ANK3: variants seen among roughly 807,000 people sequenced by gnomAD.
The protein encoded by ANK3 is ankyrin 3.
In ANK3, 57 loss-of-function variants were observed where a neutral mutation model predicts 370.9. The observed-to-expected ratio is 0.15, with a 90% confidence interval of 0.12 to 0.19. The LOEUF is 0.19. Ranked by LOEUF, ANK3 falls within the 10% of genes least tolerant of loss-of-function variation. The pLI is 1.00. For missense variants in ANK3, 4,439 were observed against 5,302.1 expected (o/e 0.84, Z 5.06); for synonymous variants, 1,929 against 1,946.3 (o/e 0.99, Z 0.23).
chr10:60,585,928 G>A, intron 2 of ANK3, among the ~76,000 whole-genome samples: 1 of 152,086 alleles, frequency 6.6e-6, no homozygotes, highest in East Asian at 1.9e-4. Context: ...GGAGGCTAAG[G>A]CAGGGGAATT....
chr10:60,316,026 A>G (rs2047337993), intron 1 of ANK3, among the ~76,000 whole-genome samples: 2 of 152,190 alleles, frequency 1.3e-5, no homozygotes, highest in East Asian at 1.9e-4. Context: ...CTCAGCAGAC[A>G]GCATTTCCAG....
chr10:60,678,459 T>C (rs1225206132), intron 1 of ANK3, among the ~76,000 whole-genome samples: 1 of 152,184 alleles, frequency 6.6e-6, no homozygotes, highest in Non-Finnish European at 1.5e-5. Context: ...GATAAGATTA[T>C]ATGTACATAA....
chr10:60,555,287 C>T (rs1595269301), intron 2 of ANK3, among the ~76,000 whole-genome samples: 2 of 151,884 alleles, frequency 1.3e-5, no homozygotes, highest in East Asian at 3.9e-4. Flanking sequence ...GCCTGGGCAA[C>T]ATAGTGAGAC....
At chr10:60,042,609 A>C (rs2076299598) in intron 43 of ANK3, 63 bp downstream of exon 43, 1 of 1,441,352 alleles carries the variant, frequency 6.9e-7, no homozygotes, top group Admixed American at 1.9e-5. Context: ...TCACTTATTT[A>C]GTGAAAAATA....
chr10:60,173,733 A>G (rs545238324), intron 18 of ANK3, among the ~76,000 whole-genome samples: 2 of 152,296 alleles, frequency 1.3e-5, no homozygotes, highest in Admixed American at 1.3e-4. Context: ...AACAAGGTAT[A>G]TCAAGTTAGT....
At chr10:60,530,889 A>C (rs982243830) in intron 2 of ANK3, among the ~76,000 whole-genome samples, 2 of 152,122 alleles carry the variant, frequency 1.3e-5, no homozygotes, top group Non-Finnish European at 2.9e-5. Flanking sequence ...ACCTCAAACC[A>C]AGAACATGGC....
At chr10:60,408,429 T>C (rs1409161181) in intron 2 of ANK3, among the ~76,000 whole-genome samples, 1 of 152,062 alleles carries the variant, frequency 6.6e-6, no homozygotes, top group East Asian at 1.9e-4. Flanking sequence ...CTCCCCAACC[T>C]TCCTCCTGAT....
chr10:60,496,050 G>A (rs1458595417), intron 2 of ANK3, among the ~76,000 whole-genome samples: 3 of 151,706 alleles, frequency 2.0e-5, no homozygotes, highest in Non-Finnish European at 4.4e-5. Flanking sequence ...TATATAGCTA[G>A]GGTCAACATA....
rs775158098 is a variant in ANK3 at position 60,071,214 on chromosome 10, C to T, written c.9667G>A (p.Val3223Met). ...AKSTSLKQTT[V>M]EETAVEREMP... ...TCACGCTCAACTGCTGTTTCCTCCA[C>T]TGTAGTCTGCTTAAGGGAGGTTGAC... Residue 3223 changes from valine (V) to methionine (M), a missense_variant, in exon 37 of 44, where the codon GTG becomes ATG. Physicochemically the swap from Val to Met is conservative, Grantham distance 21 (BLOSUM62 1). This residue lies in a region of ANK3 where 1,601 missense variants were observed against 1,731.7 expected (regional missense o/e 0.92). Transcript: ENST00000280772. The T allele has an allele frequency of 6.2e-7, 1 of 1,614,158 alleles. No individual in the cohort carries two copies. The highest frequency in any genetic ancestry group is 2.2e-5 in the East Asian group (1 of 44,884).
At chr10:60,705,808 GTTT>G (rs34858011) in intron 1 of ANK3, among the ~76,000 whole-genome samples, 6 of 133,464 alleles carry the variant, frequency 4.5e-5, no homozygotes, top group African/African-American at 1.7e-4. Context: ...TCTACTAGAG[GTTT>G]TTTTTTTTCT....
chr10:60,161,768 T>C (rs114850787), intron 23 of ANK3, among the ~76,000 whole-genome samples: 220 of 152,196 alleles, frequency 1.4e-3, no homozygotes, highest in African/African-American at 5.1e-3. Context: ...GGATGGTTAA[T>C]TGGCACAAAA....
chr10:60,560,273 G>C (rs1008338186), intron 2 of ANK3, among the ~76,000 whole-genome samples: 1 of 152,028 alleles, frequency 6.6e-6, no homozygotes, highest in Non-Finnish European at 1.5e-5. Context: ...TGATATCAAG[G>C]TCATTCCTTC....
At chr10:60,122,673 A>G (rs2093556977) in intron 25 of ANK3, among the ~76,000 whole-genome samples, 2 of 152,232 alleles carry the variant, frequency 1.3e-5, no homozygotes, top group Admixed American at 6.5e-5. Flanking sequence ...TCTGGCACCA[A>G]TGCAGTGCTG....
intron 25 of ANK3, among the ~76,000 whole-genome samples, chr10:60,124,881 A>G (rs954611495): frequency 4.6e-5 from 7 of 152,214 alleles, no homozygotes; most frequent in Non-Finnish European, 1.0e-4. Context: ...GGTAATCATA[A>G]TACCCCTTCC....
Position 60,537,950 on chromosome 10 carries a change from T to C in ANK3, c.96+77236A>G, listed in dbSNP as rs61303215. ...TGTGATTCATGATGAGTCATTCTTA[T>C]AAGGGAATACATTTAAAATGTATTA... On this transcript the variant is annotated intron_variant, in intron 2 of 43. Transcript: ENST00000373827. Among the ~76,000 whole-genome samples, 1,138 of 152,066 alleles carry C rather than the reference T, an allele frequency of 7.5e-3. 11 individuals are homozygous for C. The highest frequency in any genetic ancestry group is 0.026 in the African/African-American group (1,079 of 41,534).
intron 2 of ANK3, among the ~76,000 whole-genome samples, chr10:60,577,014 T>G (rs980723861): frequency 2.0e-5 from 3 of 152,224 alleles, no homozygotes; most frequent in Admixed American, 6.5e-5. Context: ...AGTTATGTAT[T>G]TACTTTCAAT....
intron 28 of ANK3, among the ~76,000 whole-genome samples, chr10:60,090,123 C>T (rs1240766409): frequency 6.6e-6 from 1 of 152,040 alleles, no homozygotes; most frequent in Admixed American, 6.6e-5. Flanking sequence ...TCAAGACCAG[C>T]CGGGCCAACA....
At chr10:60,352,703 C>T (rs1445252580) in intron 1 of ANK3, among the ~76,000 whole-genome samples, 1 of 152,104 alleles carries the variant, frequency 6.6e-6, no homozygotes, top group Non-Finnish European at 1.5e-5. Flanking sequence ...ACTTTCATTC[C>T]CAAAAGAACA....
chr10:60,355,365 T>C (rs1247987991), intron 1 of ANK3, among the ~76,000 whole-genome samples: 1 of 152,226 alleles, frequency 6.6e-6, no homozygotes, highest in East Asian at 1.9e-4. Flanking sequence ...TGATCATTTT[T>C]TTTTTAAACC....
Sources: gnomAD v4.1 joint callset for allele counts (sites outside exome capture counted in the v4.1 genomes callset) on GRCh38, gnomAD v4.1.1 for gene constraint, gnomAD v4.1.1 regional missense constraint, MANE v1.5 for transcripts, NCBI Gene and HGNC (gene_info 2026-07-23, HGNC 2026-07-21) for gene names.